Variants in PRP4K observed in about 807,000 individuals in gnomAD.
PRP4K encodes serine/threonine-protein kinase PRP4 homolog.
the PRP4K span, among the ~76,000 whole-genome samples, chr6:4,023,364 G>C: frequency 6.6e-6 from 1 of 152,054 alleles, no homozygotes; most frequent in African/African-American, 2.4e-5. Context: ...CCTTATTTTA[G>C]AGATGATGAA....
the PRP4K span, chr6:4,062,695 T>C: frequency 6.6e-6 from 1 of 152,440 alleles, no homozygotes; most frequent in Non-Finnish European, 1.5e-5. The surrounding 1 kb of genome is among the most constrained non-coding windows in gnomAD (Gnocchi z 4.2). Context: ...ATAGATGATA[T>C]AATAAGCCAC....
chr6:4,040,380 G>A, the PRP4K span, among the ~76,000 whole-genome samples: 3 of 151,964 alleles, frequency 2.0e-5, no homozygotes, highest in East Asian at 5.8e-4. Context: ...GCCCCTTTTC[G>A]GTCTCTCCCT....
chr6:4,055,188 T>C, the PRP4K span, among the ~76,000 whole-genome samples: 1 of 152,216 alleles, frequency 6.6e-6, no homozygotes, highest in African/African-American at 2.4e-5. Flanking sequence ...TGCTATTCTT[T>C]AAGGCATTTT....
At chr6:4,056,598 T>C in the PRP4K span, 1 of 1,590,802 alleles carries the variant, frequency 6.3e-7, no homozygotes, top group Non-Finnish European at 8.5e-7. Context: ...ATGAAGGTAG[T>C]TGTGACAGGA....
At chr6:4,036,322 C>T in the PRP4K span, among the ~76,000 whole-genome samples, 3 of 152,224 alleles carry the variant, frequency 2.0e-5, no homozygotes, top group Non-Finnish European at 2.9e-5. Context: ...CCCAGGCTTA[C>T]ACAATCCTCC....
At chr6:4,021,975 C>G in the PRP4K span, among the ~76,000 whole-genome samples, 123 of 152,288 alleles carry the variant, frequency 8.1e-4, 4 homozygotes, top group South Asian at 8.9e-3. Context: ...GTCACACTCT[C>G]TGGCCATCCC....
chr6:4,047,388 C>T, the PRP4K span: 2 of 756,076 alleles, frequency 2.6e-6, no homozygotes, highest in Non-Finnish European at 4.1e-6. Context: ...GAAAACTCTA[C>T]TAGTTTTGCA....
the PRP4K span, chr6:4,049,090 T>C: frequency 1.2e-6 from 2 of 1,610,456 alleles, no homozygotes; most frequent in Non-Finnish European, 1.7e-6. Flanking sequence ...ACTGGACCGA[T>C]GCAGAAGGCT....
At chr6:4,059,827 G>A in the PRP4K span, among the ~76,000 whole-genome samples, 1 of 152,116 alleles carries the variant, frequency 6.6e-6, no homozygotes, top group African/African-American at 2.4e-5. Flanking sequence ...TGTATTTTTA[G>A]TAGAGATGGG....
At chr6:4,060,596 T>C in the PRP4K span, 2 of 1,612,660 alleles carry the variant, frequency 1.2e-6, no homozygotes, top group South Asian at 1.1e-5. The surrounding 1 kb of genome is among the most constrained non-coding windows in gnomAD (Gnocchi z 4.7). Flanking sequence ...ACAGCACGCC[T>C]TCATCCAGGA....
chr6:4,032,425 A>G, the PRP4K span: 11 of 1,614,054 alleles, frequency 6.8e-6, no homozygotes, highest in East Asian at 2.2e-4. Flanking sequence ...GGTAAATCCA[A>G]AGACAGAAGG....
the PRP4K span, chr6:4,043,759 A>G: frequency 1.9e-6 from 3 of 1,541,076 alleles, no homozygotes; most frequent in African/African-American, 1.4e-5. Flanking sequence ...CCATGAATGT[A>G]TTTGGATAGC....
the PRP4K span, among the ~76,000 whole-genome samples, chr6:4,021,770 G>T: frequency 2.0e-5 from 3 of 152,318 alleles, no homozygotes; most frequent in South Asian, 4.1e-4. Context: ...GTGAGGTCGC[G>T]CTTTCCTATG....
At chr6:4,046,143 C>T in the PRP4K span, among the ~76,000 whole-genome samples, 3 of 152,238 alleles carry the variant, frequency 2.0e-5, no homozygotes, top group East Asian at 1.9e-4. Flanking sequence ...CTGTGTTTTA[C>T]GATAGTTCCC....
the PRP4K span, among the ~76,000 whole-genome samples, chr6:4,033,511 G>A: frequency 2.6e-5 from 4 of 152,036 alleles, no homozygotes; most frequent in South Asian, 2.1e-4. Context: ...AAGTATTTGC[G>A]GGGAGGAGTG....
At chr6:4,033,406 T>C in the PRP4K span, among the ~76,000 whole-genome samples, 1 of 152,150 alleles carries the variant, frequency 6.6e-6, no homozygotes, top group Admixed American at 6.5e-5. Context: ...CTCATGTGAT[T>C]ATCTTAACTC....
the PRP4K span, chr6:4,060,677 G>A: frequency 7.2e-7 from 1 of 1,381,926 alleles, no homozygotes; most frequent in Middle Eastern, 1.8e-4. The surrounding 1 kb of genome is among the most constrained non-coding windows in gnomAD (Gnocchi z 4.7). Flanking sequence ...TTTCACAGCA[G>A]TTTATTAATG....
At chr6:4,044,646 T>A in the PRP4K span, among the ~76,000 whole-genome samples, 5 of 152,038 alleles carry the variant, frequency 3.3e-5, no homozygotes, top group African/African-American at 1.2e-4. Flanking sequence ...CTTTTTCAGT[T>A]GATTTCTCTT....
the PRP4K span, chr6:4,037,316 C>T: frequency 3.8e-6 from 5 of 1,303,736 alleles, no homozygotes; most frequent in East Asian, 2.7e-5. Context: ...TGTGCCTTTT[C>T]TTACAGATGT....
Sources: gnomAD v4.1 joint callset for allele counts (sites outside exome capture counted in the v4.1 genomes callset) on GRCh38, gnomAD v4.1.1 for gene constraint, Gnocchi (gnomAD v3.1) non-coding constraint, MANE v1.5 for transcripts, NCBI Gene and HGNC (gene_info 2026-07-23, HGNC 2026-07-21) for gene names.